The following TSHZ3 variants were observed in gnomAD, a reference collection of about 807,000 sequenced individuals.
TSHZ3 encodes the protein teashirt homolog 3.
In TSHZ3, 10 loss-of-function variants were observed where a neutral mutation model predicts 64.5. The observed-to-expected ratio is 0.16, with a 90% confidence interval of 0.10 to 0.26. TSHZ3 has a LOEUF of 0.26. Among genes scored for constraint, TSHZ3 ranks in the 10% least tolerant of loss-of-function variants. The pLI is 1.00. For synonymous variants in TSHZ3, 608 were observed against 593.1 expected, an observed-to-expected ratio of 1.03 and a Z score of -0.36; for missense variants, 1,242 against 1,421.7, an observed-to-expected ratio of 0.87 and a Z score of 2.03.
chr19:31,265,757 C>T (rs1976046524), intron 1 of TSHZ3, among the ~76,000 whole-genome samples: 2 of 152,192 alleles, frequency 1.3e-5, no homozygotes, highest in Non-Finnish European at 2.9e-5. Flanking sequence ...TGAAAGGAAG[C>T]CCCTTTCCCC....
At chr19:31,297,865 T>G (rs969445548) in intron 1 of TSHZ3, among the ~76,000 whole-genome samples, 1 of 152,156 alleles carries the variant, frequency 6.6e-6, no homozygotes, top group Non-Finnish European at 1.5e-5. Context: ...AGCTGCCACT[T>G]GCTTCCCTGG....
chr19:31,153,150 C>T (rs968329242), intron 6 of TSHZ3, among the ~76,000 whole-genome samples: 9 of 152,172 alleles, frequency 5.9e-5, no homozygotes, highest in South Asian at 2.1e-4. Flanking sequence ...CTGTTTACTA[C>T]GGTTGGGTGT....
intron 1 of TSHZ3, among the ~76,000 whole-genome samples, chr19:31,313,435 G>A (rs376228074): frequency 3.9e-5 from 6 of 152,218 alleles, no homozygotes; most frequent in African/African-American, 1.4e-4. Context: ...AGTGTGCACC[G>A]CTGGAGGGCA....
chr19:31,333,106 C>CAAGA (rs398040965), intron 1 of TSHZ3, among the ~76,000 whole-genome samples: 1 of 137,824 alleles, frequency 7.3e-6, no homozygotes, highest in Non-Finnish European at 1.5e-5. Context: ...TCCTGTCTCA[C>CAAGA]AATAAATAAA....
At chr19:31,151,024 C>G (rs375483627) in exon 7 of TSHZ3, among the ~76,000 whole-genome samples, 52 of 152,246 alleles carry the variant, frequency 3.4e-4, no homozygotes, top group African/African-American at 1.2e-3. Flanking sequence ...GAGTCATAAA[C>G]GAAATAAGAG....
chr19:31,244,189 G>A (rs1178897764), intron 1 of TSHZ3, among the ~76,000 whole-genome samples: 4 of 152,150 alleles, frequency 2.6e-5, no homozygotes, highest in Non-Finnish European at 4.4e-5. Flanking sequence ...GGTGGGGCCT[G>A]GTGGGAGGTG....
chr19:31,306,036 G>A (rs1342076726), intron 1 of TSHZ3, among the ~76,000 whole-genome samples: 1 of 152,176 alleles, frequency 6.6e-6, no homozygotes, highest in Non-Finnish European at 1.5e-5. Flanking sequence ...AGTTTGGGGT[G>A]GGAGCCACAA....
chr19:31,257,112 C>T (rs979641304), intron 1 of TSHZ3, among the ~76,000 whole-genome samples: 2 of 152,206 alleles, frequency 1.3e-5, no homozygotes, highest in East Asian at 1.9e-4. Context: ...CTTCAGGGAG[C>T]GCTTTGTAGG....
intron 1 of TSHZ3, among the ~76,000 whole-genome samples, chr19:31,307,895 C>T (rs1388302771): frequency 6.6e-6 from 1 of 152,134 alleles, no homozygotes; most frequent in East Asian, 1.9e-4. Context: ...TGTCATTTGA[C>T]CTACTCCACT....
chr19:31,224,792 A>G (rs1385100503), intron 4 of TSHZ3, among the ~76,000 whole-genome samples: 2 of 152,246 alleles, frequency 1.3e-5, no homozygotes, highest in African/African-American at 2.4e-5. Flanking sequence ...ATTTTCTTTT[A>G]TAATATTTTC....
chr19:31,184,464 G>C (rs1974772810), intron 5 of TSHZ3, among the ~76,000 whole-genome samples: 2 of 152,168 alleles, frequency 1.3e-5, no homozygotes, highest in African/African-American at 2.4e-5. Flanking sequence ...ACAAAGCTTA[G>C]AGTTTGTTTC....
At chr19:31,160,184 G>C (rs1172943949) in intron 5 of TSHZ3, among the ~76,000 whole-genome samples, 1 of 152,186 alleles carries the variant, frequency 6.6e-6, no homozygotes, top group Non-Finnish European at 1.5e-5. Context: ...CTGAGGCACA[G>C]ATAGGTTAAG....
chr19:31,327,653 A>T (rs1304530787), intron 1 of TSHZ3, among the ~76,000 whole-genome samples: 1 of 152,206 alleles, frequency 6.6e-6, no homozygotes, highest in Non-Finnish European at 1.5e-5. Context: ...CACACAATAC[A>T]CGTATACACG....
At chr19:31,311,477 A>G (rs1016033341) in intron 1 of TSHZ3, among the ~76,000 whole-genome samples, 12 of 152,052 alleles carry the variant, frequency 7.9e-5, no homozygotes, top group African/African-American at 2.9e-4. Context: ...CTCCGACTGC[A>G]CAGGGTTTGT....
intron 5 of TSHZ3, among the ~76,000 whole-genome samples, chr19:31,176,706 C>T (rs576306604): frequency 3.1e-4 from 47 of 152,178 alleles, no homozygotes; most frequent in Non-Finnish European, 5.7e-4. Context: ...GGGAGGATTG[C>T]TTGAGCTAAG....
At chr19:31,319,044 G>C (rs907268885) in intron 1 of TSHZ3, among the ~76,000 whole-genome samples, 1 of 152,192 alleles carries the variant, frequency 6.6e-6, no homozygotes, top group Non-Finnish European at 1.5e-5. Flanking sequence ...CCGGAGACCA[G>C]GGACCTGAGA....
intron 1 of TSHZ3, among the ~76,000 whole-genome samples, chr19:31,311,471 G>A (rs1271697284): frequency 2.0e-5 from 3 of 151,942 alleles, no homozygotes; most frequent in Admixed American, 2.0e-4. Flanking sequence ...TGTGGCCTCC[G>A]ACTGCACAGG....
chr19:31,206,805 C>A (rs1035210679), intron 4 of TSHZ3, among the ~76,000 whole-genome samples: 7 of 152,176 alleles, frequency 4.6e-5, no homozygotes, highest in African/African-American at 1.7e-4. Context: ...AGAATCTCAT[C>A]TCTATATGTA....
At chr19:31,338,712 G>A (rs1917332034) in intron 1 of TSHZ3, among the ~76,000 whole-genome samples, 1 of 151,626 alleles carries the variant, frequency 6.6e-6, no homozygotes, top group Non-Finnish European at 1.5e-5. Context: ...AGAAAAAGAG[G>A]GAGAGAGAAA....
Sources: allele counts gnomAD v4.1 joint callset (sites outside exome capture counted in the v4.1 genomes callset), GRCh38; gene constraint gnomAD v4.1.1; transcripts MANE v1.5; gene names NCBI Gene and HGNC (gene_info 2026-07-23, HGNC 2026-07-21).